Variants in USH2A observed in about 807,000 individuals in gnomAD.
USH2A encodes the protein usherin, also known as Usher syndrome 2A (autosomal recessive, mild).
USH2A carries 443 observed loss-of-function variants against 538.9 expected under a neutral mutation model. That is an observed-to-expected ratio of 0.82 (90% CI 0.76 to 0.89). USH2A has a LOEUF of 0.89. Among genes scored for constraint, USH2A ranks in the 40% least tolerant of loss-of-function variants. The probability of loss-of-function intolerance (pLI) is 0.00; values close to 1 mark genes in which losing one functional copy is unlikely to be tolerated. For synonymous variants in USH2A, 2,413 were observed against 2,273.5 expected, an observed-to-expected ratio of 1.06 and a Z score of -1.75; for missense variants, 6,633 against 6,324.8, an observed-to-expected ratio of 1.05 and a Z score of -1.65.
At chr1:216,008,497 C>T (rs1483851617) in intron 32 of USH2A, among the ~76,000 whole-genome samples, 5 of 152,152 alleles carry the variant, frequency 3.3e-5, no homozygotes, top group South Asian at 2.1e-4. Flanking sequence ...GTGAAATAAA[C>T]AGCCATGTTG....
intron 11 of USH2A, among the ~76,000 whole-genome samples, chr1:216,255,821 G>A (rs144266776): frequency 8.7e-4 from 132 of 152,130 alleles, no homozygotes; most frequent in Non-Finnish European, 1.6e-3. Context: ...TTGAGAGAAG[G>A]GTATTGAAAT....
intron 32 of USH2A, among the ~76,000 whole-genome samples, chr1:216,033,616 C>T (rs1453247625): frequency 3.3e-5 from 5 of 152,176 alleles, no homozygotes; most frequent in Admixed American, 6.5e-5. Flanking sequence ...GATTTTAAGA[C>T]TGGATGTGCA....
chr1:216,120,921 G>A (rs2033125185), intron 21 of USH2A, among the ~76,000 whole-genome samples: 1 of 150,644 alleles, frequency 6.6e-6, no homozygotes, highest in African/African-American at 2.4e-5. Flanking sequence ...GCAAGAACAA[G>A]CAAAACTTAT....
chr1:215,902,834 A>C (rs897708384), intron 38 of USH2A, among the ~76,000 whole-genome samples: 1 of 152,122 alleles, frequency 6.6e-6, no homozygotes, highest in Non-Finnish European at 1.5e-5. Context: ...GTGTTTAAGG[A>C]ACAGTGTGGC....
intron 43 of USH2A, among the ~76,000 whole-genome samples, chr1:215,871,328 T>C (rs1475754916): frequency 6.6e-6 from 1 of 152,208 alleles, no homozygotes; most frequent in East Asian, 1.9e-4. Context: ...GAAAACTAGA[T>C]TATGTTTAAA....
intron 3 of USH2A, among the ~76,000 whole-genome samples, chr1:216,407,068 T>A (rs575502825): frequency 5.3e-5 from 8 of 152,030 alleles, no homozygotes; most frequent in African/African-American, 1.4e-4. Flanking sequence ...ATGACTTCCA[T>A]CTCTCCTTCC....
chr1:215,894,010 GCT>G (rs1283193073), intron 40 of USH2A, among the ~76,000 whole-genome samples: 1 of 152,088 alleles, frequency 6.6e-6, no homozygotes, highest in Non-Finnish European at 1.5e-5. Flanking sequence ...GAACCATTTT[GCT>G]CTCAAAATCA....
intron 67 of USH2A, among the ~76,000 whole-genome samples, chr1:215,643,824 C>A (rs2102639037): frequency 6.6e-6 from 1 of 152,256 alleles, no homozygotes; most frequent in East Asian, 1.9e-4. Flanking sequence ...GCCAGTGTGC[C>A]TGGCCACAGG....
intron 21 of USH2A, among the ~76,000 whole-genome samples, chr1:216,165,765 T>TTAAG (rs1404314893): frequency 6.6e-6 from 1 of 151,824 alleles, no homozygotes; most frequent in Admixed American, 6.6e-5. Context: ...AAAAAGATAG[T>TTAAG]CATAATTTCA....
Position 215,790,074 on chromosome 1 carries a change from A to G in USH2A, c.10167T>C (p.Thr3389=), listed in dbSNP as rs1229807968. The change falls in exon 51 of 72, where the codon ACT becomes ACC. Residue 3389 remains threonine, a synonymous_variant. Coordinates refer to ENST00000307340, the MANE Select transcript of USH2A (RefSeq NM_206933.4). ...LKYVCSDKIS[T]GMMMKETKEC... ...TATCAATTACCTTCATCATCATTCC[A>G]GTTGAAATCTTGTCAGAGCAAACAT... 4 of 1,613,286 alleles carry G rather than the reference A, an allele frequency of 2.5e-6. No individual in the cohort carries two copies. The highest frequency in any genetic ancestry group is 2.5e-6 in the Non-Finnish European group (3 of 1,179,916).
chr1:215,967,943 C>A (rs1667395341), intron 36 of USH2A, among the ~76,000 whole-genome samples: 1 of 152,060 alleles, frequency 6.6e-6, no homozygotes, highest in Admixed American at 6.6e-5. Context: ...CAATACAAGA[C>A]ACAGTCATAA....
intron 32 of USH2A, among the ~76,000 whole-genome samples, chr1:216,034,443 A>T (rs1415357598): frequency 6.6e-6 from 1 of 152,142 alleles, no homozygotes; most frequent in African/African-American, 2.4e-5. Flanking sequence ...TCCTCCCAAA[A>T]GGTATCTCCA....
At chr1:216,361,439 C>T (rs1219013496) in intron 4 of USH2A, among the ~76,000 whole-genome samples, 1 of 152,056 alleles carries the variant, frequency 6.6e-6, no homozygotes, top group East Asian at 1.9e-4. Context: ...TGCTTATCGA[C>T]AAATACCATC....
chr1:215,866,034 A>G (rs1013094174), intron 44 of USH2A, among the ~76,000 whole-genome samples: 2 of 152,188 alleles, frequency 1.3e-5, no homozygotes, highest in Non-Finnish European at 2.9e-5. Flanking sequence ...TATATCATCA[A>G]TAGATGATTA....
chr1:216,123,741 C>T (rs1250920784), intron 21 of USH2A, among the ~76,000 whole-genome samples: 3 of 152,116 alleles, frequency 2.0e-5, no homozygotes, highest in Non-Finnish European at 2.9e-5. Flanking sequence ...GAACAAGATT[C>T]AAACCCAGAA....
intron 58 of USH2A, 112 bp downstream of exon 58, chr1:215,758,483 G>A (rs1047159474): frequency 7.4e-7 from 1 of 1,349,626 alleles, no homozygotes; most frequent in Admixed American, 1.9e-5. Context: ...TATTTATCCA[G>A]GAGACCGACT....
chr1:216,135,679 C>T (rs1297097508), intron 21 of USH2A, among the ~76,000 whole-genome samples: 3 of 152,068 alleles, frequency 2.0e-5, no homozygotes, highest in Non-Finnish European at 4.4e-5. Flanking sequence ...GGCTTACATA[C>T]ATATGAAAAC....
At chr1:215,943,477 A>C (rs1168992273) in intron 37 of USH2A, among the ~76,000 whole-genome samples, 1 of 152,178 alleles carries the variant, frequency 6.6e-6, no homozygotes, top group Non-Finnish European at 1.5e-5. Flanking sequence ...GGAGAAGATA[A>C]TAGGTATGTA....
At chr1:215,900,414 A>G (rs905788392) in intron 39 of USH2A, among the ~76,000 whole-genome samples, 197 bp from the exon 40 acceptor site, 3 of 152,178 alleles carry the variant, frequency 2.0e-5, no homozygotes, top group African/African-American at 7.2e-5. Context: ...TACGAGATGT[A>G]AATCCTAGTA....
Sources: gnomAD v4.1 joint callset for allele counts (sites outside exome capture counted in the v4.1 genomes callset) on GRCh38, gnomAD v4.1.1 for gene constraint, MANE v1.5 for transcripts, NCBI Gene and HGNC (gene_info 2026-07-23, HGNC 2026-07-21) for gene names.